The following PDGFC variants were observed in gnomAD, a reference collection of about 807,000 sequenced individuals.
PDGFC encodes platelet-derived growth factor C.
A neutral mutation model predicts 35.5 loss-of-function variants in PDGFC; 12 were observed. The ratio of observed to expected loss-of-function variants is 0.34; its 90% confidence interval spans 0.22 to 0.55. The LOEUF is 0.55. Among genes scored for constraint, PDGFC ranks in the 20% least tolerant of loss-of-function variants. The probability of loss-of-function intolerance (pLI) is 0.91; values close to 1 mark genes in which losing one functional copy is unlikely to be tolerated. For synonymous variants in PDGFC, 159 were observed against 148.8 expected (o/e 1.07, Z -0.50); for missense variants, 322 against 412.4 (o/e 0.78, Z 1.90).
chr4:156,881,688 G>C (rs544939778), intron 1 of PDGFC, among the ~76,000 whole-genome samples: 1 of 151,898 alleles, frequency 6.6e-6, no homozygotes, highest in Non-Finnish European at 1.5e-5. Context: ...AAATTAGTGG[G>C]GCATGCTGGC....
At chr4:156,917,292 C>G (rs939908247) in intron 1 of PDGFC, among the ~76,000 whole-genome samples, 2 of 152,322 alleles carry the variant, frequency 1.3e-5, no homozygotes, top group African/African-American at 4.8e-5. Flanking sequence ...CACATTTTAT[C>G]ACACATGGCA....
intron 1 of PDGFC, among the ~76,000 whole-genome samples, chr4:156,962,329 A>G (rs867855521): frequency 2.6e-5 from 4 of 151,940 alleles, no homozygotes; most frequent in African/African-American, 9.7e-5. Flanking sequence ...TCTCCCTCTC[A>G]GACCCGCTTC....
At chr4:156,960,905 A>G (rs1277784720) in intron 1 of PDGFC, among the ~76,000 whole-genome samples, 1 of 152,060 alleles carries the variant, frequency 6.6e-6, no homozygotes, top group East Asian at 1.9e-4. Context: ...TGTTTTTCCT[A>G]TGTTCTTTAC....
At chr4:156,875,749 C>T (rs1229466224) in intron 1 of PDGFC, among the ~76,000 whole-genome samples, 1 of 152,056 alleles carries the variant, frequency 6.6e-6, no homozygotes, top group Non-Finnish European at 1.5e-5. Context: ...GAAACCCCAT[C>T]TCTAATAAAA....
intron 5 of PDGFC, 32 bp downstream of exon 5, chr4:156,767,741 G>T (rs202066472): frequency 1.4e-6 from 2 of 1,408,432 alleles, no homozygotes; most frequent in East Asian, 2.3e-5. Flanking sequence ...TAAAATACCC[G>T]AAGGAAACCA....
intron 1 of PDGFC, among the ~76,000 whole-genome samples, chr4:156,890,006 A>C (rs1374675805): frequency 1.3e-5 from 2 of 152,134 alleles, no homozygotes; most frequent in East Asian, 3.9e-4. Context: ...TTACTTATTT[A>C]TAAGTAAGCA....
intron 1 of PDGFC, among the ~76,000 whole-genome samples, chr4:156,969,537 C>T (rs915193247): frequency 2.0e-5 from 3 of 152,246 alleles, no homozygotes; most frequent in East Asian, 1.9e-4. Flanking sequence ...ACTTTTATAC[C>T]CTAAAACTTT....
intron 1 of PDGFC, among the ~76,000 whole-genome samples, chr4:156,862,673 A>C (rs1303184776): frequency 6.6e-6 from 1 of 152,072 alleles, no homozygotes; most frequent in Non-Finnish European, 1.5e-5. Flanking sequence ...TCTATTTTAT[A>C]GTCACCTTAA....
At chr4:156,939,579 T>C (rs1355953168) in intron 1 of PDGFC, among the ~76,000 whole-genome samples, 1 of 152,132 alleles carries the variant, frequency 6.6e-6, no homozygotes, top group Non-Finnish European at 1.5e-5. Flanking sequence ...ATCAGACTTG[T>C]ATTATTAGCC....
At chr4:156,770,479 G>C (rs1391382489) in intron 4 of PDGFC, 1 of 151,146 alleles carries the variant, frequency 6.6e-6, no homozygotes, top group Non-Finnish European at 1.5e-5. Context: ...TAGTACTTTT[G>C]GGGGGGGAAG....
At position 156,834,327 on chromosome 4, in the gene PDGFC, A is replaced by T. The variant is rs913297267; in HGVS notation, c.314+15894T>A. On this transcript the variant is annotated intron_variant, in intron 2 of 5. Transcript: ENST00000502773. Reference sequence around the variant, plus strand: ...AGTAGGTAAACTGCTGCAATTTGACATTTTTTTCTCAAAGTACACTAAGAT... The same window carrying T: ...AGTAGGTAAACTGCTGCAATTTGACTTTTTTTTCTCAAAGTACACTAAGAT... 3.7e-4 allele frequency among the ~76,000 whole-genome samples: 57 copies of T among 152,220 alleles called. 1 individual carries two copies. Among genetic ancestry groups the T allele is most frequent in the African/African-American group, 1.3e-3 (52 of 41,532 alleles).
At position 156,822,461 on chromosome 4, in the gene PDGFC, C is replaced by T. The variant is rs140352689; in HGVS notation, c.315-11444G>A. ...ATATTACTGTATGAGGAAGCACATA[C>T]AATATTACTGAATGACAAAAAGGCA... On this transcript the variant is annotated intron_variant, in intron 2 of 5. Coordinates refer to ENST00000502773, the MANE Select transcript of PDGFC (RefSeq NM_016205.3). 9.8e-3 allele frequency among the ~76,000 whole-genome samples: 1,464 copies of T among 149,744 alleles called. 21 individuals carry two copies. Among genetic ancestry groups the T allele is most frequent in the African/African-American group, 0.033 (1,357 of 40,754 alleles).
intron 1 of PDGFC, among the ~76,000 whole-genome samples, chr4:156,893,339 T>A (rs1730558173): frequency 2.7e-5 from 1 of 36,826 alleles, no homozygotes; most frequent in Non-Finnish European, 1.5e-4. Context: ...CTAACTAGAT[T>A]TTTTTTTTTT....
chr4:156,935,065 G>A (rs917855134), intron 1 of PDGFC, among the ~76,000 whole-genome samples: 3 of 152,026 alleles, frequency 2.0e-5, no homozygotes, highest in Non-Finnish European at 4.4e-5. Flanking sequence ...GCATGATCTC[G>A]GCTCACTGCA....
intron 1 of PDGFC, among the ~76,000 whole-genome samples, chr4:156,854,978 C>G (rs1475044218): frequency 6.6e-6 from 1 of 151,846 alleles, no homozygotes; most frequent in East Asian, 1.9e-4. Flanking sequence ...TTCAGATTAC[C>G]ATACCCAACT....
chr4:156,865,001 A>G (rs890794341), intron 1 of PDGFC, among the ~76,000 whole-genome samples: 1 of 152,166 alleles, frequency 6.6e-6, no homozygotes, highest in African/African-American at 2.4e-5. Context: ...ATCTAAAATT[A>G]TATACACTCT....
chr4:156,763,051 C>T lies in PDGFC; in HGVS notation c.*39G>A. 1 of 1,042,748 alleles carries T rather than the reference C, an allele frequency of 9.6e-7. No homozygotes were observed. 64.6% of individuals were successfully genotyped at this position (1,042,748 alleles called of 1,614,324 possible). A position where few individuals can be genotyped will look rare whatever the true frequency, so the allele number is the denominator to read the frequency against. ...TTCTCTAATAGAATCAGCCACTGCA[C>T]TGCACAGCTCTGGGCAAGAGCTGCT... On this transcript the variant is annotated 3_prime_UTR_variant, in exon 6 of 6. Transcript: ENST00000502773.
chr4:156,783,123 T>C (rs1189765773), intron 3 of PDGFC, among the ~76,000 whole-genome samples: 1 of 152,130 alleles, frequency 6.6e-6, no homozygotes, highest in African/African-American at 2.4e-5. Context: ...TTTAGATATT[T>C]ACAAAGAAAC....
intron 1 of PDGFC, among the ~76,000 whole-genome samples, chr4:156,900,391 G>A (rs1730737781): frequency 6.6e-6 from 1 of 152,122 alleles, no homozygotes; most frequent in Non-Finnish European, 1.5e-5. Flanking sequence ...CCTAACCTGG[G>A]AATCATGATC....
Sources: gnomAD v4.1 joint callset for allele counts (sites outside exome capture counted in the v4.1 genomes callset) on GRCh38, gnomAD v4.1.1 for gene constraint, MANE v1.5 for transcripts, NCBI Gene and HGNC (gene_info 2026-07-23, HGNC 2026-07-21) for gene names.